CLCA2: variants seen among roughly 807,000 people sequenced by gnomAD.
The protein encoded by CLCA2 is calcium-activated chloride channel regulator 2.
Under a neutral mutation model 82.9 loss-of-function variants are expected in CLCA2, and 85 were observed. That is an observed-to-expected ratio of 1.03 (90% CI 0.86 to 1.23). CLCA2 has a LOEUF of 1.23. Ranked by LOEUF, CLCA2 falls within the 50% of genes most tolerant of loss-of-function variation. The pLI is 0.00. For synonymous variants in CLCA2, 421 were observed against 391.7 expected, an observed-to-expected ratio of 1.07 and a Z score of -0.88; for missense variants, 1,089 against 1,124.8, an observed-to-expected ratio of 0.97 and a Z score of 0.45.
intron 4 of CLCA2, 108 bp downstream of exon 4, chr1:86,431,078 G>A: frequency 2.8e-6 from 2 of 713,202 alleles, no homozygotes; most frequent in Non-Finnish European, 2.3e-6. Flanking sequence ...TTTAATTGCA[G>A]CTAAAACTTA....
chr1:86,447,580 C>T lies in CLCA2; in HGVS notation c.1786C>T (p.Arg596Cys), dbSNP rs200197580. 9.2e-5 allele frequency: 148 copies of T among 1,613,978 alleles called. No homozygotes were observed. The highest frequency in any genetic ancestry group is 4.8e-4 in the Admixed American group (29 of 59,990). The change falls in exon 11 of 14, where the codon CGC (arginine) becomes TGC (cysteine). Residue 596 changes from arginine (R) to cysteine (C), a missense_variant. By Grantham distance (180) the Arg-to-Cys change is radical. Transcript: ENST00000370565. ...LQALKVTVTSRASNSAVPPAT... is the reference protein window; with the variant it reads ...LQALKVTVTSCASNSAVPPAT... ...AGCCCTGAAAGTGACAGTGACCTCT[C>T]GCGCCTCCAACTCAGCTGTGCCCCC...
intron 13 of CLCA2, among the ~76,000 whole-genome samples, 187 bp downstream of exon 13, chr1:86,453,789 G>A (rs1663021914): frequency 6.6e-6 from 1 of 152,104 alleles, no homozygotes; most frequent in Admixed American, 6.5e-5. Flanking sequence ...AGGAGGCCCT[G>A]GCTAACTCAC....
intron 13 of CLCA2, among the ~76,000 whole-genome samples, chr1:86,454,025 C>A (rs1008861095): frequency 6.6e-5 from 10 of 152,270 alleles, no homozygotes; most frequent in Non-Finnish European, 1.5e-4. Flanking sequence ...TTGTTTACTA[C>A]TTCTGGCCAT....
intron 2 of CLCA2, among the ~76,000 whole-genome samples, chr1:86,425,768 G>T (rs1242430077): frequency 6.6e-6 from 1 of 152,134 alleles, no homozygotes; most frequent in East Asian, 1.9e-4. Context: ...TCAAGAACTA[G>T]TTTTATCCTA....
rs576921495 is a variant in CLCA2, at chr1:86,438,080, C to A, written c.973-796C>A. Reference sequence around the variant, plus strand: ...AAATCATCACTCCCAACTAGTTAAGCCAGAAACCTGTGTCCTAAGAAGTGT... The same window carrying A: ...AAATCATCACTCCCAACTAGTTAAGACAGAAACCTGTGTCCTAAGAAGTGT... On this transcript the variant is annotated intron_variant, in intron 6 of 13. Coordinates refer to ENST00000370565, the MANE Select transcript of CLCA2 (RefSeq NM_006536.7). 5.3e-5 allele frequency among the ~76,000 whole-genome samples: 8 copies of A among 152,184 alleles called. 1 individual carries two copies. The South Asian group carries it at 1.7e-3, about 32-fold the overall frequency.
rs1351494106 is a variant in CLCA2, at chr1:86,456,222, G to A, written c.*695G>A. 3 of 152,190 alleles carry A rather than the reference G, an allele frequency of 2.0e-5. No homozygotes were observed. The highest frequency in any genetic ancestry group is 7.2e-5 in the African/African-American group (3 of 41,448). The allele number at this position is 152,190 out of a possible 1,614,324, so 9.4% of individuals were successfully genotyped here. A position where few individuals can be genotyped will look rare whatever the true frequency, so the allele number is the denominator to read the frequency against. On this transcript the variant is annotated 3_prime_UTR_variant, in exon 14 of 14. Transcript: ENST00000370565. ...AGTTATTGCCTTGGTTATTATGGAT[G>A]ATAGTTATAGCCCTTATAATGCCTT...
chr1:86,440,039 G>A lies in CLCA2; in HGVS notation c.1204-109G>A, dbSNP rs1344027131. 8.7e-6 allele frequency: 9 copies of A among 1,037,154 alleles called. No individual in the cohort carries two copies. In the South Asian group the frequency reaches 8.9e-5, roughly 10 times the overall value. 64.2% of individuals were successfully genotyped at this position (1,037,154 alleles called of 1,614,324 possible). On this transcript the variant is annotated intron_variant, in intron 7 of 13. Transcript: ENST00000370565. ...TGAGGTAAAACTTGAGTGGAGATGG[G>A]CGTGGGGTGTAGGAGCTACAGTGGG... is the stretch of plus-strand genomic sequence containing the variant.
intron 13 of CLCA2, among the ~76,000 whole-genome samples, chr1:86,453,826 C>T (rs1255901581): frequency 5.9e-5 from 9 of 152,136 alleles, no homozygotes; most frequent in African/African-American, 2.2e-4. Context: ...GAAACCTTGA[C>T]TAGAAGCATA....
chr1:86,447,872 T>G (rs943984728), intron 11 of CLCA2, 94 bp downstream of exon 11: 1 of 1,308,398 alleles, frequency 7.6e-7, no homozygotes, highest in Non-Finnish European at 1.0e-6. Context: ...GTAAGATTCC[T>G]TGAGTTCAAT....
At chr1:86,449,857 A>T (rs867855094) in intron 11 of CLCA2, among the ~76,000 whole-genome samples, 1 of 152,284 alleles carries the variant, frequency 6.6e-6, no homozygotes. Context: ...CCATTGAGTC[A>T]TGATTTTGGC....
In CLCA2 at chr1:86,432,409, G is replaced by T; in HGVS notation, c.625G>T (p.Gly209Cys). 5 of 1,613,834 alleles carry T rather than the reference G, an allele frequency of 3.1e-6. No individual in the cohort carries two copies. Among genetic ancestry groups the T allele is most frequent in the South Asian group, 2.2e-5 (2 of 91,020 alleles). Residue 209 changes from glycine (G) to cysteine (C), a missense_variant, in exon 5 of 14, where the codon GGT (glycine) becomes TGT (cysteine). Gly to Cys is a radical substitution (Grantham distance 159). Coordinates refer to ENST00000370565, the MANE Select transcript of CLCA2 (RefSeq NM_006536.7). ...DITGIFVCEK[G>C]PCPQENCIIS... is the part of the protein sequence containing the mutation. Reference sequence around the variant, plus strand: ...CACAGGCATTTTTGTGTGTGAAAAAGGTCCTTGCCCCCAAGAAAACTGTAT... The same window carrying T: ...CACAGGCATTTTTGTGTGTGAAAAATGTCCTTGCCCCCAAGAAAACTGTAT...
intron 6 of CLCA2, 32 bp downstream of exon 6, chr1:86,434,777 T>C (rs1163582093): frequency 3.4e-6 from 5 of 1,479,850 alleles, no homozygotes; most frequent in East Asian, 4.5e-5. Flanking sequence ...AATGTAAACA[T>C]TTATCATTTT....
At chr1:86,431,111 C>A in intron 4 of CLCA2, 141 bp downstream of exon 4, 1 of 604,452 alleles carries the variant, frequency 1.7e-6, no homozygotes. Context: ...GAGATCCTTT[C>A]ACTTTTCAGT....
chr1:86,450,389 G>A (rs561486938), intron 11 of CLCA2, among the ~76,000 whole-genome samples, 174 bp from the exon 12 acceptor site: 40 of 152,112 alleles, frequency 2.6e-4, no homozygotes, highest in Admixed American at 7.9e-4. Context: ...ATTACAGGGA[G>A]AAATTATGGA....
Position 86,440,317 on chromosome 1 carries a change from G to A in CLCA2, c.1373G>A (p.Arg458His), listed in dbSNP as rs150391383. The A allele has an allele frequency of 1.3e-4, 208 of 1,612,930 alleles. No individual in the cohort carries two copies. The highest frequency in any genetic ancestry group is 8.2e-4 in the Middle Eastern group (5 of 6,068). Residue 458 changes from arginine to histidine, a missense_variant, in exon 8 of 14, where the codon CGT becomes CAT. Physicochemically the swap from Arg to His is conservative, Grantham distance 29. Coordinates refer to ENST00000370565, the MANE Select transcript of CLCA2 (RefSeq NM_006536.7). The part of the protein sequence containing the change: ...SAAPNLEELS[R>H]LTGGLKFFVP... Reference sequence around the variant, plus strand: ...GCCCCAAATCTGGAGGAATTATCACGTCTTACAGGTAATAAACTTTTAAAA... The same window carrying A: ...GCCCCAAATCTGGAGGAATTATCACATCTTACAGGTAATAAACTTTTAAAA...
chr1:86,447,312 G>A (rs1322775304), intron 10 of CLCA2, among the ~76,000 whole-genome samples, 196 bp from the exon 11 acceptor site: 1 of 152,146 alleles, frequency 6.6e-6, no homozygotes, highest in East Asian at 1.9e-4. Flanking sequence ...GGTGACTTAT[G>A]CTATGAAAGC....
chr1:86,442,018 T>C (rs1367235002), intron 9 of CLCA2, among the ~76,000 whole-genome samples: 1 of 152,232 alleles, frequency 6.6e-6, no homozygotes, highest in Non-Finnish European at 1.5e-5. Flanking sequence ...ATGATTTTGC[T>C]CACCAAAGCT....
rs745774264 is a variant in CLCA2, at chr1:86,428,515, T to A, written c.422T>A (p.Phe141Tyr). 5.6e-6 allele frequency: 9 copies of A among 1,613,730 alleles called. No homozygotes were observed. Among genetic ancestry groups the A allele is most frequent in the African/African-American group, 1.3e-5 (1 of 75,028 alleles). The change falls in exon 3 of 14, where the codon TTC becomes TAC. Residue 141 changes from phenylalanine (F) to tyrosine (Y), a missense_variant. Physicochemically the swap from Phe to Tyr is conservative, Grantham distance 22. Coordinates refer to ENST00000370565, the MANE Select transcript of CLCA2 (RefSeq NM_006536.7). ...GCGKEGKYIH[F>Y]TPNFLLNDNL... ...GGAAAAGAGGGAAAATACATTCATT[T>A]CACACCTAATTTCCTACTGAATGAT...
intron 2 of CLCA2, among the ~76,000 whole-genome samples, chr1:86,427,253 G>A (rs192465694): frequency 2.0e-5 from 3 of 151,942 alleles, no homozygotes; most frequent in African/African-American, 7.3e-5. Flanking sequence ...ATTCCATGAA[G>A]GGCACTCTTT....
Sources: allele counts gnomAD v4.1 joint callset (sites outside exome capture counted in the v4.1 genomes callset), GRCh38; gene constraint gnomAD v4.1.1; transcripts MANE v1.5; gene names NCBI Gene and HGNC (gene_info 2026-07-23, HGNC 2026-07-21).